EPB41L1: variants seen among roughly 807,000 people sequenced by gnomAD.
The protein encoded by EPB41L1 is erythrocyte membrane protein band 4.1 like 1.
EPB41L1 carries 29 observed loss-of-function variants against 97.8 expected under a neutral mutation model. The observed-to-expected ratio is 0.30, with a 90% confidence interval of 0.22 to 0.40. The LOEUF (loss-of-function observed/expected upper bound fraction) is 0.40. Among genes scored for constraint, EPB41L1 ranks in the 10% least tolerant of loss-of-function variants. The pLI is 1.00. For synonymous variants in EPB41L1, 383 were observed against 459.2 expected, an observed-to-expected ratio of 0.83 and a Z score of 2.12; for missense variants, 812 against 1,162.3, an observed-to-expected ratio of 0.70 and a Z score of 4.38.
intron 1 of EPB41L1, among the ~76,000 whole-genome samples, chr20:36,156,294 C>G (rs376528607): frequency 2.6e-5 from 4 of 152,232 alleles, no homozygotes; most frequent in African/African-American, 9.6e-5. Context: ...TGGAGGAGAT[C>G]AGTGCAGAGG....
In EPB41L1 at chr20:36,096,563, C is replaced by T. The variant is rs2057838578; in HGVS notation, c.-65+4951C>T. Among the ~76,000 whole-genome samples, 7 of 152,188 alleles carry T rather than the reference C, an allele frequency of 4.6e-5. No individual in the cohort carries two copies. The South Asian group carries it at 1.4e-3, about 32-fold the overall frequency. ...TTCCCTTTGTCTAGCACACTCTTCCCCTGCTTCTTATCTTGATTAACTCCC... is the reference window on the plus strand; with the variant it reads ...TTCCCTTTGTCTAGCACACTCTTCCTCTGCTTCTTATCTTGATTAACTCCC... On this transcript the variant is annotated intron_variant, in intron 1 of 19. Coordinates refer to the EPB41L1 transcript ENST00000202028.
chr20:36,122,629 T>A (rs1172147423), intron 2 of EPB41L1: 2 of 152,454 alleles, frequency 1.3e-5, no homozygotes, highest in African/African-American at 4.8e-5. Context: ...CTTACCCCCA[T>A]ACCCCCAAAT....
At chr20:36,187,563 C>A in intron 7 of EPB41L1, 113 bp from the exon 8 acceptor site, 1 of 849,770 alleles carries the variant, frequency 1.2e-6, no homozygotes, top group Non-Finnish European at 2.0e-6. Flanking sequence ...TAGGGTGAGG[C>A]TCAGCATATT....
At position 36,181,045 on chromosome 20, in the gene EPB41L1, G is replaced by A. The variant is rs148266969; in HGVS notation, c.491-1227G>A. ...TCAAACCCCTGTACATGTGCATAAA[G>A]TTCTTAGCAAGCACAGTGACTGGCA... On this transcript the variant is annotated intron_variant, in intron 5 of 21. Coordinates refer to ENST00000338074, the MANE Select transcript of EPB41L1 (RefSeq NM_012156.2). 1.5e-3 allele frequency among the ~76,000 whole-genome samples: 236 copies of A among 152,306 alleles called. 1 individual carries two copies. The highest frequency in any genetic ancestry group is 4.8e-3 in the Admixed American group (74 of 15,298).
Position 36,190,871 on chromosome 20 carries a change from T to C in EPB41L1, c.1300+74T>C. On this transcript the variant is annotated intron_variant, in intron 11 of 21. Coordinates refer to ENST00000338074, the MANE Select transcript of EPB41L1 (RefSeq NM_012156.2). This position sits in a 1 kb window ranked among gnomAD's most constrained non-coding sequence, Gnocchi z 5.8. ...CTGGGGGAGTGGGCATGCTGGGTTC[T>C]GCAGAATGAGCAGGAAAATGGTAGA... is the stretch of plus-strand genomic sequence containing the variant. 6.3e-7 allele frequency: 1 copy of C among 1,577,494 alleles called. No homozygotes were observed. The highest frequency in any genetic ancestry group is 8.6e-7 in the Non-Finnish European group (1 of 1,163,676).
rs79506765 is a variant in EPB41L1 at position 36,179,839 on chromosome 20, G to T, written c.490+1167G>T. Among the ~76,000 whole-genome samples the T allele has an allele frequency of 3.0e-3, 464 of 152,328 alleles. 7 individuals are homozygous for T. In the East Asian group the frequency reaches 0.052, roughly 17 times the overall value. Reference sequence around the variant, plus strand: ...GGTTCTGTCAGTTGGAGACAAAGAGGCAGGCACACAGACAGAGTGCACTCC... The same window carrying T: ...GGTTCTGTCAGTTGGAGACAAAGAGTCAGGCACACAGACAGAGTGCACTCC... On this transcript the variant is annotated intron_variant, in intron 5 of 21. Coordinates refer to ENST00000338074, the MANE Select transcript of EPB41L1 (RefSeq NM_012156.2).
chr20:36,103,361 A>G (rs930523427), intron 1 of EPB41L1, among the ~76,000 whole-genome samples: 2 of 152,278 alleles, frequency 1.3e-5, no homozygotes, highest in Non-Finnish European at 2.9e-5. Context: ...TACAGCCCCT[A>G]TGGCCCATGT....
chr20:36,142,228 A>AT (rs1207092936), intron 2 of EPB41L1, among the ~76,000 whole-genome samples: 3 of 152,242 alleles, frequency 2.0e-5, no homozygotes, highest in African/African-American at 7.2e-5. Flanking sequence ...GAACATGATT[A>AT]TATAGCCACA....
rs2062135977 is a variant in EPB41L1 at position 36,195,202 on chromosome 20, C to T, written c.1450-127C>T. 1.8e-6 allele frequency: 2 copies of T among 1,136,046 alleles called. No homozygotes were observed. The highest frequency in any genetic ancestry group is 2.6e-6 in the Non-Finnish European group (2 of 763,250). The allele number at this position is 1,136,046 out of a possible 1,614,324, so 70.4% of individuals were successfully genotyped here. A position where few individuals can be genotyped will look rare whatever the true frequency, so the allele number is the denominator to read the frequency against. On this transcript the variant is annotated intron_variant, in intron 12 of 21. Coordinates refer to ENST00000338074, the MANE Select transcript of EPB41L1 (RefSeq NM_012156.2). This position sits in a 1 kb window ranked among gnomAD's most constrained non-coding sequence, Gnocchi z 4.6. ...CCCTGCTGGTGGCCCACCCAGCTGC[C>T]CTGGCCTCCACTTGGTCGAGTGTGC...
Position 36,206,078 on chromosome 20 carries a change from T to C in EPB41L1, c.1669-3410T>C. The C allele has an allele frequency of 7.8e-7, 1 of 1,289,714 alleles. No homozygotes were observed. The highest frequency in any genetic ancestry group is 1.0e-6 in the Non-Finnish European group (1 of 988,872). 79.9% of individuals were successfully genotyped at this position (1,289,714 alleles called of 1,614,324 possible). A position where few individuals can be genotyped will look rare whatever the true frequency, so the allele number is the denominator to read the frequency against. On this transcript the variant is annotated intron_variant, in intron 14 of 21. Coordinates refer to ENST00000338074, the MANE Select transcript of EPB41L1 (RefSeq NM_012156.2). The surrounding 1 kb of genome is among the most constrained non-coding windows in gnomAD (Gnocchi z 5.5). ...GCAAACACCCAGCAACAAGGAAAAA[T>C]GATTGCAAGTCCTGAAGACTTTGAG...
At position 36,200,308 on chromosome 20, in the gene EPB41L1, G is replaced by A. The variant is rs75912024; in HGVS notation, c.1668+2267G>A. Among the ~76,000 whole-genome samples the A allele has an allele frequency of 7.2e-3, 1,095 of 152,320 alleles. 11 individuals carry two copies. Among genetic ancestry groups the A allele is most frequent in the African/African-American group, 0.025 (1,048 of 41,556 alleles). ...GAAGGTGCTGGGCAGTCATGGGGCT[G>A]TTGCTGTTGGTGACTAGAATCCCTG... is the stretch of plus-strand genomic sequence containing the variant. On this transcript the variant is annotated intron_variant, in intron 14 of 21. Coordinates refer to ENST00000338074, the MANE Select transcript of EPB41L1 (RefSeq NM_012156.2).
intron 1 of EPB41L1, among the ~76,000 whole-genome samples, chr20:36,157,606 G>GGTGT (rs147240689): frequency 6.6e-6 from 1 of 151,672 alleles, no homozygotes; most frequent in Admixed American, 6.6e-5. Flanking sequence ...GTGTGTGAGG[G>GGTGT]GTGTGTGTGT....
chr20:36,143,137 TTGTGTGTG>T (rs59256378), intron 2 of EPB41L1, among the ~76,000 whole-genome samples: 2,032 of 130,782 alleles, frequency 0.016, 18 homozygotes, highest in East Asian at 0.023. Flanking sequence ...GAGGGTGTGT[TTGTGTGTG>T]TGTGTGTGTG....
chr20:36,118,789 TA>T (rs1400357956), intron 2 of EPB41L1, among the ~76,000 whole-genome samples: 4 of 152,240 alleles, frequency 2.6e-5, no homozygotes, highest in African/African-American at 9.6e-5. Context: ...TTATTTTACT[TA>T]AAAATTTTGT....
rs1468910956 is a variant in EPB41L1 at position 36,195,292 on chromosome 20, C to T, written c.1450-37C>T. 3.1e-6 allele frequency: 5 copies of T among 1,613,708 alleles called. No homozygotes were observed. Among genetic ancestry groups the T allele is most frequent in the Admixed American group, 1.7e-5 (1 of 59,998 alleles). ...TCTCTAATCCATCTGCTCTACTGAC[C>T]CTGCTGCTTTCTTTCCCTCCTACCA... On this transcript the variant is annotated intron_variant, in intron 12 of 21. Coordinates refer to ENST00000338074, the MANE Select transcript of EPB41L1 (RefSeq NM_012156.2). The surrounding 1 kb of genome is among the most constrained non-coding windows in gnomAD (Gnocchi z 4.6).
chr20:36,094,743 T>C (rs181973073), intron 1 of EPB41L1, among the ~76,000 whole-genome samples: 24 of 152,230 alleles, frequency 1.6e-4, no homozygotes, highest in Non-Finnish European at 3.2e-4. Flanking sequence ...TTCTGTCCCC[T>C]CCTTGAATCC....
intron 14 of EPB41L1, chr20:36,208,208 C>A (rs1008112556): frequency 5.9e-6 from 2 of 341,306 alleles, no homozygotes; most frequent in African/African-American, 4.3e-5. Context: ...GTTGACAGTC[C>A]AGAGGTTTCC....
In EPB41L1 at chr20:36,209,189, C is replaced by T. The variant is rs2062990227; in HGVS notation, c.1669-299C>T. On this transcript the variant is annotated intron_variant, in intron 14 of 21. Transcript: ENST00000338074. The surrounding 1 kb of genome is among the most constrained non-coding windows in gnomAD (Gnocchi z 4.2). ...CCAATAAGCTCCCAGATCCAATACC[C>T]TTGGATGGAGCCTCCTGTCCAGGAG... 6.6e-6 allele frequency among the ~76,000 whole-genome samples: 1 copy of T among 152,228 alleles called. No homozygotes were observed.
At chr20:36,122,283 G>C (rs1003088338) in intron 2 of EPB41L1, among the ~76,000 whole-genome samples, 2 of 152,186 alleles carry the variant, frequency 1.3e-5, no homozygotes, top group African/African-American at 4.8e-5. Flanking sequence ...CCAGAGGAGG[G>C]GGCGATGCAG....
Sources: gnomAD v4.1 joint callset for allele counts (sites outside exome capture counted in the v4.1 genomes callset) on GRCh38, gnomAD v4.1.1 for gene constraint, Gnocchi (gnomAD v3.1) non-coding constraint, MANE v1.5 for transcripts, NCBI Gene and HGNC (gene_info 2026-07-23, HGNC 2026-07-21) for gene names.